The following CLSTN2 variants were observed in gnomAD, a reference collection of about 807,000 sequenced individuals.
CLSTN2 encodes calsyntenin-2.
A neutral mutation model predicts 101.2 loss-of-function variants in CLSTN2; 48 were observed. That is an observed-to-expected ratio of 0.47 (90% CI 0.38 to 0.60). The LOEUF (loss-of-function observed/expected upper bound fraction) is 0.60. CLSTN2 is among the 20% of genes least tolerant of loss of function. CLSTN2 has a pLI of 0.00. For synonymous variants in CLSTN2, 481 were observed against 463.6 expected, an observed-to-expected ratio of 1.04 and a Z score of -0.48; for missense variants, 1,160 against 1,238.2, an observed-to-expected ratio of 0.94 and a Z score of 0.95.
chr3:140,558,759 C>T lies in CLSTN2; in HGVS notation c.1943C>T (p.Ala648Val). ...RGTDHFWRPA[A>V]QFESARGVTL... is the part of the protein sequence containing the mutation. ...ACAGACCACTTCTGGAGACCTGCTG[C>T]CCAGTTTGAAAGTGCCAGGGGAGTG... The change falls in exon 12 of 17, where the codon GCC becomes GTC. Residue 648 changes from alanine (A) to valine (V), a missense_variant. Transcript: ENST00000458420. 2 of 1,614,072 alleles carry T rather than the reference C, an allele frequency of 1.2e-6. No individual in the cohort carries two copies. The highest frequency in any genetic ancestry group is 1.3e-5 in the African/African-American group (1 of 75,004).
At chr3:140,387,460 G>T (rs1157042536) in intron 2 of CLSTN2, among the ~76,000 whole-genome samples, 1 of 152,182 alleles carries the variant, frequency 6.6e-6, no homozygotes, top group African/African-American at 2.4e-5. Context: ...GCTTCCACAG[G>T]TTCCTATTTG....
intron 8 of CLSTN2, among the ~76,000 whole-genome samples, chr3:140,475,102 G>T (rs1316650589): frequency 7.7e-6 from 1 of 129,494 alleles, no homozygotes; most frequent in Non-Finnish European, 1.9e-5. Flanking sequence ...TGTAGTGCAG[G>T]TAGTTTCAGA....
intron 1 of CLSTN2, among the ~76,000 whole-genome samples, chr3:140,015,764 A>G (rs2007188105): frequency 1.3e-5 from 2 of 152,240 alleles, no homozygotes; most frequent in South Asian, 4.1e-4. Flanking sequence ...GTCTGCCTAG[A>G]GCAGTTGCTC....
intron 5 of CLSTN2, among the ~76,000 whole-genome samples, chr3:140,437,203 C>T (rs987501594): frequency 2.6e-5 from 4 of 152,128 alleles, no homozygotes; most frequent in African/African-American, 9.7e-5. Flanking sequence ...TGCCCACCAC[C>T]ATGCCCAGCT....
chr3:140,548,866 G>A (rs1171780245), intron 10 of CLSTN2, among the ~76,000 whole-genome samples: 1 of 152,022 alleles, frequency 6.6e-6, no homozygotes, highest in Non-Finnish European at 1.5e-5. Flanking sequence ...TGGGGTTTAG[G>A]ATGCTCACTC....
chr3:140,047,408 A>G (rs973616997), intron 1 of CLSTN2, among the ~76,000 whole-genome samples: 2 of 152,160 alleles, frequency 1.3e-5, no homozygotes, highest in African/African-American at 4.8e-5. Flanking sequence ...GTGTTGGTAT[A>G]TAAAGTTTAT....
chr3:140,190,470 A>G (rs992972919), intron 2 of CLSTN2, among the ~76,000 whole-genome samples: 1 of 149,238 alleles, frequency 6.7e-6, no homozygotes, highest in Non-Finnish European at 1.5e-5. Context: ...AAATCCTGCA[A>G]GGATTCTGAT....
At chr3:140,191,116 T>A in intron 2 of CLSTN2, among the ~76,000 whole-genome samples, 1 of 152,088 alleles carries the variant, frequency 6.6e-6, no homozygotes, top group East Asian at 1.9e-4. Context: ...GAGGTTTTTT[T>A]AAAAAGTATA....
At chr3:140,526,112 A>G (rs1173783401) in intron 8 of CLSTN2, among the ~76,000 whole-genome samples, 1 of 152,192 alleles carries the variant, frequency 6.6e-6, no homozygotes, top group Non-Finnish European at 1.5e-5. Context: ...AAATGCATCC[A>G]AATAGAAAAA....
chr3:140,354,872 C>T (rs1350526616), intron 2 of CLSTN2, among the ~76,000 whole-genome samples: 2 of 152,362 alleles, frequency 1.3e-5, no homozygotes, highest in Non-Finnish European at 2.9e-5. Flanking sequence ...TAAGGTAGCA[C>T]TTCTGGAGAA....
chr3:140,253,878 C>T (rs2086583999), intron 2 of CLSTN2, among the ~76,000 whole-genome samples: 1 of 151,930 alleles, frequency 6.6e-6, no homozygotes, highest in South Asian at 2.1e-4. Context: ...TCTGGAGCTC[C>T]CAAGGGCTGC....
intron 1 of CLSTN2, among the ~76,000 whole-genome samples, chr3:139,949,051 C>T (rs538864308): frequency 1.3e-5 from 2 of 152,278 alleles, no homozygotes; most frequent in South Asian, 2.1e-4. Flanking sequence ...TCTGTCTCCT[C>T]CTATGCTTTG....
intron 8 of CLSTN2, among the ~76,000 whole-genome samples, chr3:140,480,819 G>A (rs936090801): frequency 6.6e-6 from 1 of 152,030 alleles, no homozygotes; most frequent in South Asian, 2.1e-4. Flanking sequence ...TAAATTTGTT[G>A]GAGTTCATTG....
chr3:140,097,874 A>G (rs2008897378), intron 1 of CLSTN2, among the ~76,000 whole-genome samples: 1 of 152,180 alleles, frequency 6.6e-6, no homozygotes, highest in East Asian at 1.9e-4. Flanking sequence ...CTTTGATTAC[A>G]TTGGATGTGA....
chr3:139,972,709 A>G (rs1935737035), intron 1 of CLSTN2, among the ~76,000 whole-genome samples: 1 of 152,168 alleles, frequency 6.6e-6, no homozygotes, highest in Non-Finnish European at 1.5e-5. Context: ...CGGCTCCCAC[A>G]GTGAAGGGGA....
chr3:140,293,729 G>A (rs1272916707), intron 2 of CLSTN2, among the ~76,000 whole-genome samples: 1 of 152,150 alleles, frequency 6.6e-6, no homozygotes, highest in African/African-American at 2.4e-5. Context: ...GAGGAGTGAT[G>A]CTGAGGCACC....
chr3:140,121,873 A>T (rs541533531), intron 1 of CLSTN2, among the ~76,000 whole-genome samples: 2 of 152,180 alleles, frequency 1.3e-5, no homozygotes, highest in Non-Finnish European at 2.9e-5. Context: ...TACGCTGCCA[A>T]CACAGGAACA....
chr3:140,128,605 G>T (rs1363446152), intron 1 of CLSTN2, among the ~76,000 whole-genome samples: 1 of 152,184 alleles, frequency 6.6e-6, no homozygotes, highest in African/African-American at 2.4e-5. Flanking sequence ...GGGCATGGAG[G>T]CTTCCCTGAT....
At chr3:139,978,563 A>G (rs1935858978) in intron 1 of CLSTN2, among the ~76,000 whole-genome samples, 1 of 152,142 alleles carries the variant, frequency 6.6e-6, no homozygotes, top group South Asian at 2.1e-4. Flanking sequence ...AATAGCATCT[A>G]TAGTCATCAT....
Sources: allele counts gnomAD v4.1 joint callset (sites outside exome capture counted in the v4.1 genomes callset), GRCh38; gene constraint gnomAD v4.1.1; transcripts MANE v1.5; gene names NCBI Gene and HGNC (gene_info 2026-07-23, HGNC 2026-07-21).